The following GASK1A variants were observed in gnomAD, a reference collection of about 807,000 sequenced individuals.
The protein encoded by GASK1A is Golgi-associated kinase 1A.
In GASK1A, 40 loss-of-function variants were observed where a neutral mutation model predicts 41.2. That is an observed-to-expected ratio of 0.97 (90% CI 0.75 to 1.27). GASK1A has a LOEUF of 1.27. GASK1A is among the 50% of genes most tolerant of loss of function. GASK1A has a pLI of 0.00. For missense variants in GASK1A, 678 were observed against 745.1 expected (o/e 0.91, Z 1.05); for synonymous variants, 316 against 307.1 (o/e 1.03, Z -0.30).
At chr3:43,019,945 C>T (rs1224173091) in intron 1 of GASK1A, among the ~76,000 whole-genome samples, 3 of 152,186 alleles carry the variant, frequency 2.0e-5, no homozygotes, top group African/African-American at 7.2e-5. Flanking sequence ...TCCCATTGCC[C>T]ATGGCAGTTT....
intron 2 of GASK1A, among the ~76,000 whole-genome samples, chr3:43,048,776 G>A (rs2089675401): frequency 6.6e-6 from 1 of 152,180 alleles, no homozygotes; most frequent in South Asian, 2.1e-4. Flanking sequence ...TCTACATATG[G>A]GGACTGTATG....
intron 1 of GASK1A, among the ~76,000 whole-genome samples, chr3:42,982,335 A>C (rs2089286497): frequency 6.6e-6 from 1 of 152,248 alleles, no homozygotes; most frequent in Admixed American, 6.5e-5. Flanking sequence ...TATTACTGCC[A>C]ATTAAAAAAT....
chr3:43,039,434 C>A (rs1433370491), intron 2 of GASK1A, among the ~76,000 whole-genome samples: 1 of 152,126 alleles, frequency 6.6e-6, no homozygotes, highest in African/African-American at 2.4e-5. Flanking sequence ...AACTCCTGAC[C>A]ACAGGTGATC....
At chr3:43,045,599 C>T (rs781760149) in intron 2 of GASK1A, among the ~76,000 whole-genome samples, 1 of 152,154 alleles carries the variant, frequency 6.6e-6, no homozygotes, top group Non-Finnish European at 1.5e-5. Context: ...CTGCACTAAA[C>T]CACTGTGTTG....
At chr3:43,038,835 C>G (rs1312305208) in intron 2 of GASK1A, among the ~76,000 whole-genome samples, 1 of 152,158 alleles carries the variant, frequency 6.6e-6, no homozygotes. Context: ...CCCCTGCCCA[C>G]GAGGACTAAG....
chr3:43,029,286 G>A, intron 1 of GASK1A, among the ~76,000 whole-genome samples: 1 of 152,146 alleles, frequency 6.6e-6, no homozygotes, highest in East Asian at 1.9e-4. Flanking sequence ...TCTCCCGGTG[G>A]TGACTGGGCA....
chr3:42,983,035 C>A (rs115507035), intron 1 of GASK1A, among the ~76,000 whole-genome samples: 2,015 of 152,312 alleles, frequency 0.013, 55 homozygotes, highest in African/African-American at 0.046. Context: ...TTCTTCCCCT[C>A]CACTCTCCAT....
At chr3:43,011,713 G>C (rs2089464361) in intron 1 of GASK1A, among the ~76,000 whole-genome samples, 2 of 149,236 alleles carry the variant, frequency 1.3e-5, no homozygotes, top group South Asian at 4.3e-4. Context: ...TGTGGAGCCA[G>C]AGAAAGGGGC....
chr3:42,985,121 G>C (rs1477775462), intron 1 of GASK1A, among the ~76,000 whole-genome samples: 1 of 152,086 alleles, frequency 6.6e-6, no homozygotes, highest in Non-Finnish European at 1.5e-5. Flanking sequence ...GAGCTAAGTA[G>C]GAAGCAAGGA....
At chr3:43,035,434 G>A (rs2089599606) in intron 2 of GASK1A, among the ~76,000 whole-genome samples, 1 of 152,206 alleles carries the variant, frequency 6.6e-6, no homozygotes, top group South Asian at 2.1e-4. Flanking sequence ...GTTGCCCCCA[G>A]GAGCAGCCTG....
intron 1 of GASK1A, among the ~76,000 whole-genome samples, chr3:43,003,879 G>T (rs1040634022): frequency 1.3e-5 from 2 of 152,194 alleles, no homozygotes; most frequent in African/African-American, 4.8e-5. Context: ...TGACCAAAAA[G>T]TTTTGGGACT....
At chr3:42,996,325 C>T (rs954299893) in intron 1 of GASK1A, among the ~76,000 whole-genome samples, 1 of 152,224 alleles carries the variant, frequency 6.6e-6, no homozygotes, top group Admixed American at 6.5e-5. Context: ...TTATCTACAA[C>T]ACCTCATGTA....
At chr3:43,018,810 T>G (rs2125682387) in intron 1 of GASK1A, among the ~76,000 whole-genome samples, 1 of 152,318 alleles carries the variant, frequency 6.6e-6, no homozygotes, top group East Asian at 1.9e-4. Context: ...ATAAGCCCCC[T>G]TTGAGAGAAG....
intron 2 of GASK1A, among the ~76,000 whole-genome samples, chr3:43,048,937 G>A (rs2089676236): frequency 6.6e-6 from 1 of 152,140 alleles, no homozygotes; most frequent in African/African-American, 2.4e-5. Context: ...AAGCAACAGA[G>A]ACTAACTCTG....
chr3:43,004,506 T>C (rs1186459011), intron 1 of GASK1A, among the ~76,000 whole-genome samples: 23 of 152,218 alleles, frequency 1.5e-4, no homozygotes, highest in Non-Finnish European at 1.9e-4. Context: ...AGAAGATGAC[T>C]CACTGGATAG....
At chr3:43,004,927 A>G (rs2089428503) in intron 1 of GASK1A, among the ~76,000 whole-genome samples, 1 of 152,254 alleles carries the variant, frequency 6.6e-6, no homozygotes, top group Admixed American at 6.5e-5. Flanking sequence ...TGGCAGGGCC[A>G]GTTCTTTCTG....
intron 1 of GASK1A, among the ~76,000 whole-genome samples, chr3:42,992,872 A>G (rs1442162243): frequency 6.6e-6 from 1 of 152,254 alleles, no homozygotes; most frequent in African/African-American, 2.4e-5. Flanking sequence ...GAACAAATTT[A>G]TAGACAAAAA....
intron 3 of GASK1A, chr3:43,053,949 A>G (rs1015994552): frequency 1.7e-4 from 75 of 439,022 alleles, no homozygotes; most frequent in African/African-American, 1.4e-3. Flanking sequence ...GTAGAGTTTG[A>G]GAATGGTGTG....
intron 2 of GASK1A, among the ~76,000 whole-genome samples, chr3:43,048,441 A>G (rs1368878018): frequency 6.6e-6 from 1 of 152,212 alleles, no homozygotes; most frequent in Non-Finnish European, 1.5e-5. Flanking sequence ...TAGAATTTGA[A>G]TAGAGCAATT....
Sources: allele counts gnomAD v4.1 joint callset (sites outside exome capture counted in the v4.1 genomes callset), GRCh38; gene constraint gnomAD v4.1.1; transcripts MANE v1.5; gene names NCBI Gene and HGNC (gene_info 2026-07-23, HGNC 2026-07-21).